The following ATF3 variants were observed in gnomAD, a reference collection of about 807,000 sequenced individuals.
ATF3 encodes activating transcription factor 3.
A neutral mutation model predicts 18.4 loss-of-function variants in ATF3; 10 were observed. The ratio of observed to expected loss-of-function variants is 0.54; its 90% CI spans 0.34 to 0.92. ATF3 has a LOEUF of 0.92. ATF3 is among the 40% of genes least tolerant of loss of function. The pLI is 0.02. For synonymous variants in ATF3, 78 were observed against 87.9 expected, an observed-to-expected ratio of 0.89 and a Z score of 0.63; for missense variants, 183 against 222.3, an observed-to-expected ratio of 0.82 and a Z score of 1.12.
rs546946457 is a variant in ATF3 at position 212,600,391 on chromosome 1, A to C, written c.-4-14627A>C. ...CTAACGTCTCCTCCCTTCCACAAAT[A>C]CTCCTGCTCAGCAATTGCCTCACTG... On this transcript the variant is annotated intron_variant, in intron 1 of 3. Transcript: ENST00000366981. Among the ~76,000 whole-genome samples the C allele has an allele frequency of 8.6e-5, 13 of 151,630 alleles. No individual in the cohort carries two copies. The South Asian group carries it at 2.3e-3, about 27-fold the overall frequency.
chr1:212,603,139 T>G (rs1654528025), intron 1 of ATF3, among the ~76,000 whole-genome samples: 1 of 152,194 alleles, frequency 6.6e-6, no homozygotes, highest in East Asian at 1.9e-4. Context: ...CAGACTGAAG[T>G]GACCAGCTAC....
intron 2 of ATF3, among the ~76,000 whole-genome samples, chr1:212,616,542 C>T (rs1361095041): frequency 6.6e-6 from 1 of 152,168 alleles, no homozygotes; most frequent in Non-Finnish European, 1.5e-5. Flanking sequence ...AGGTAATCCG[C>T]CCGCCTCGGC....
intron 1 of ATF3, among the ~76,000 whole-genome samples, chr1:212,594,314 T>TAGTCCATA (rs1478870374): frequency 1.3e-5 from 2 of 152,228 alleles, no homozygotes; most frequent in Non-Finnish European, 2.9e-5. Flanking sequence ...TTATTGCAAC[T>TAGTCCATA]TTCTAGCTGG....
intron 1 of ATF3, among the ~76,000 whole-genome samples, chr1:212,565,722 G>A (rs1467693496): frequency 6.6e-6 from 1 of 152,108 alleles, no homozygotes; most frequent in East Asian, 1.9e-4. Context: ...CTCTAGGTTG[G>A]ATTAAGTTTT....
intron 1 of ATF3, among the ~76,000 whole-genome samples, chr1:212,587,629 A>C (rs1359925248): frequency 6.6e-6 from 1 of 152,216 alleles, no homozygotes; most frequent in Admixed American, 6.5e-5. Context: ...AAAACAGTAA[A>C]TAAAATCCAG....
chr1:212,585,670 C>T (rs1664766963), intron 1 of ATF3, among the ~76,000 whole-genome samples: 1 of 152,230 alleles, frequency 6.6e-6, no homozygotes, highest in Non-Finnish European at 1.5e-5. Flanking sequence ...TGAACCCTCC[C>T]TCTGTCACAG....
intron 1 of ATF3, among the ~76,000 whole-genome samples, chr1:212,579,006 C>CTT (rs10565752): frequency 2.7e-3 from 226 of 84,486 alleles, no homozygotes; most frequent in African/African-American, 3.1e-3. Flanking sequence ...TCTCTGGAGA[C>CTT]TTTTTTTTTT....
At chr1:212,587,341 C>T (rs1158115524) in intron 1 of ATF3, among the ~76,000 whole-genome samples, 2 of 152,152 alleles carry the variant, frequency 1.3e-5, no homozygotes, top group African/African-American at 4.8e-5. Context: ...GAAAGCTGAC[C>T]TGAGAACTAA....
chr1:212,572,070 T>C (rs1664494634), intron 1 of ATF3, among the ~76,000 whole-genome samples: 1 of 152,256 alleles, frequency 6.6e-6, no homozygotes, highest in Admixed American at 6.5e-5. Context: ...AGTTCTCATA[T>C]GTACAGTGGT....
intron 1 of ATF3, among the ~76,000 whole-genome samples, chr1:212,578,996 T>A (rs1664631337): frequency 1.4e-5 from 2 of 146,120 alleles, no homozygotes; most frequent in East Asian, 4.0e-4. Context: ...CCCAGGCAGC[T>A]CTCTGGAGAC....
intron 1 of ATF3, among the ~76,000 whole-genome samples, chr1:212,571,364 C>T (rs1664476515): frequency 6.6e-6 from 1 of 151,990 alleles, no homozygotes. Flanking sequence ...TCTAAATAAT[C>T]AGTTAACCCA....
intron 1 of ATF3, among the ~76,000 whole-genome samples, chr1:212,589,942 C>T (rs529378297): frequency 6.5e-4 from 99 of 151,792 alleles, no homozygotes; most frequent in Non-Finnish European, 1.3e-3. Flanking sequence ...TAATAGAATA[C>T]TCATCTAGGA....
chr1:212,615,159 G>A lies in ATF3; in HGVS notation c.138G>A (p.Arg46=). Residue 46 remains arginine (R), a synonymous_variant, in exon 2 of 4, where the codon AGG becomes AGA. Transcript: ENST00000341491. ...NLTPFVKEEL[R]FAIQNKHLCH... is the part of the protein sequence containing the mutation. ...CGCCCTTTGTCAAGGAAGAGCTGAG[G>A]TTTGCCATCCAGAACAAGCACCTCT... The A allele has an allele frequency of 6.2e-7, 1 of 1,614,188 alleles. No homozygotes were observed. Among genetic ancestry groups the A allele is most frequent in the Non-Finnish European group, 8.5e-7 (1 of 1,180,048 alleles).
upstream of ATF3, among the ~76,000 whole-genome samples, chr1:212,606,684 C>T (rs186232958): frequency 1.3e-5 from 2 of 152,350 alleles, no homozygotes; most frequent in East Asian, 1.9e-4. Context: ...CACGTGTTCT[C>T]CCTCCTCTCC....
At chr1:212,567,927 G>A (rs1664412681) in intron 1 of ATF3, among the ~76,000 whole-genome samples, 1 of 152,186 alleles carries the variant, frequency 6.6e-6, no homozygotes, top group African/African-American at 2.4e-5. Context: ...ATATTGGAAT[G>A]GGAATGCCTC....
chr1:212,589,103 C>T (rs1397184104), intron 1 of ATF3, among the ~76,000 whole-genome samples: 1 of 152,140 alleles, frequency 6.6e-6, no homozygotes, highest in Non-Finnish European at 1.5e-5. Context: ...GCACATTCTC[C>T]TTGAAGTGGC....
rs753810336 is a variant in ATF3 at position 212,615,238 on chromosome 1, G to A, written c.217G>A (p.Gly73Arg). The change falls in exon 2 of 4, where the codon GGG (glycine) becomes AGG (arginine). Residue 73 changes from glycine (G) to arginine (R), a missense_variant. Coordinates refer to ENST00000341491, the MANE Select transcript of ATF3 (RefSeq NM_001674.4). Reference protein sequence around the residue: ...ESVTVSDRPLGVSITKAEVAP... With the variant: ...ESVTVSDRPLRVSITKAEVAP... ...AGTCACTGTCAGCGACAGACCCCTC[G>A]GGGTGTCCATCACAAAAGCCGAGGT... 9.3e-6 allele frequency: 15 copies of A among 1,613,982 alleles called. No homozygotes were observed. The highest frequency in any genetic ancestry group is 3.3e-5 in the South Asian group (3 of 91,072).
At chr1:212,614,603 AGAG>A (rs1315327335) in intron 1 of ATF3, among the ~76,000 whole-genome samples, 5 of 106,790 alleles carry the variant, frequency 4.7e-5, no homozygotes, top group Non-Finnish European at 9.7e-5. Flanking sequence ...AAAAAAAAAA[AGAG>A]AGAGAGAGAG....
chr1:212,567,889 C>T (rs72756331), intron 1 of ATF3, among the ~76,000 whole-genome samples: 5,197 of 152,270 alleles, frequency 0.034, 137 homozygotes, highest in African/African-American at 0.063. Context: ...GAGAGAAAAA[C>T]TGGGCTCCAG....
Sources: allele counts gnomAD v4.1 joint callset (sites outside exome capture counted in the v4.1 genomes callset), GRCh38; gene constraint gnomAD v4.1.1; transcripts MANE v1.5; gene names NCBI Gene and HGNC (gene_info 2026-07-23, HGNC 2026-07-21).